Variants in ANKS1B observed in about 807,000 individuals in gnomAD.
ANKS1B encodes ankyrin repeat and sterile alpha motif domain-containing protein 1B.
ANKS1B carries 36 observed loss-of-function variants against 148.3 expected under a neutral mutation model. That is an observed-to-expected ratio of 0.24 (90% confidence interval 0.19 to 0.32). The LOEUF (loss-of-function observed/expected upper bound fraction) is 0.32. Ranked by LOEUF, ANKS1B falls within the 10% of genes least tolerant of loss-of-function variation. ANKS1B has a pLI of 1.00. For synonymous variants in ANKS1B, 542 were observed against 560.8 expected (o/e 0.97, Z 0.47); for missense variants, 1,157 against 1,542.6 (o/e 0.75, Z 4.19).
intron 17 of ANKS1B, among the ~76,000 whole-genome samples, chr12:98,957,674 G>A (rs562370508): frequency 6.6e-6 from 1 of 152,188 alleles, no homozygotes; most frequent in African/African-American, 2.4e-5. Context: ...TAAAGCGTTA[G>A]GGGTGGTGAG....
chr12:99,151,123 A>C (rs761558357), intron 15 of ANKS1B, among the ~76,000 whole-genome samples: 1 of 152,204 alleles, frequency 6.6e-6, no homozygotes, highest in Non-Finnish European at 1.5e-5. Context: ...AAATACACAA[A>C]GGAAAAGTTG....
chr12:99,927,999 T>C (rs905394320), intron 1 of ANKS1B, among the ~76,000 whole-genome samples: 24 of 152,104 alleles, frequency 1.6e-4, no homozygotes, highest in African/African-American at 4.8e-4. Context: ...AAGTTTTAAA[T>C]TGAGTGTTTT....
At chr12:99,919,867 T>G (rs2094299577) in intron 1 of ANKS1B, among the ~76,000 whole-genome samples, 1 of 152,184 alleles carries the variant, frequency 6.6e-6, no homozygotes, top group African/African-American at 2.4e-5. Flanking sequence ...TGATTACATA[T>G]TGAAATAATA....
intron 12 of ANKS1B, among the ~76,000 whole-genome samples, chr12:99,347,698 C>T (rs2090901939): frequency 6.6e-6 from 1 of 151,762 alleles, no homozygotes; most frequent in South Asian, 2.1e-4. Context: ...CAAGTACAAC[C>T]CAAGACAAGT....
intron 1 of ANKS1B, among the ~76,000 whole-genome samples, chr12:99,936,794 T>C (rs2094785027): frequency 1.3e-5 from 2 of 152,184 alleles, no homozygotes; most frequent in Admixed American, 1.3e-4. Flanking sequence ...CTTGCATAAA[T>C]TCACACTAGA....
chr12:99,430,148 T>C (rs1005927411), intron 11 of ANKS1B, among the ~76,000 whole-genome samples: 1 of 151,978 alleles, frequency 6.6e-6, no homozygotes, highest in African/African-American at 2.4e-5. Flanking sequence ...ATAATAATCA[T>C]TTTAAAATCC....
At chr12:99,846,914 T>G (rs907052054) in intron 1 of ANKS1B, among the ~76,000 whole-genome samples, 1 of 151,956 alleles carries the variant, frequency 6.6e-6, no homozygotes, top group Non-Finnish European at 1.5e-5. Context: ...TCCCCTCCCA[T>G]AGGTGTAGAA....
chr12:99,041,777 G>A lies in ANKS1B; in HGVS notation c.2778+11380C>T, dbSNP rs551180429. ...GCACTTTGGGATGCCTACATAGGAG[G>A]ATCACTTGAGCCCAGGAGTTCACAA... is the stretch of plus-strand genomic sequence containing the variant. On this transcript the variant is annotated intron_variant, in intron 17 of 26. Transcript: ENST00000683438. 1.2e-4 allele frequency among the ~76,000 whole-genome samples: 19 copies of A among 152,230 alleles called. No homozygotes were observed. In the East Asian group the frequency reaches 3.7e-3, roughly 29 times the overall value.
At chr12:99,632,226 T>C (rs1046872063) in intron 9 of ANKS1B, among the ~76,000 whole-genome samples, 4 of 152,172 alleles carry the variant, frequency 2.6e-5, no homozygotes, top group African/African-American at 9.7e-5. Flanking sequence ...ATCCATATAA[T>C]GTTAATTCTG....
intron 17 of ANKS1B, among the ~76,000 whole-genome samples, chr12:98,852,821 G>T (rs2099538180): frequency 6.6e-6 from 1 of 152,048 alleles, no homozygotes; most frequent in African/African-American, 2.4e-5. Context: ...TCCATATTTA[G>T]AAGGCTCGGG....
chr12:99,064,029 A>T (rs575958763), intron 16 of ANKS1B, among the ~76,000 whole-genome samples: 1 of 152,336 alleles, frequency 6.6e-6, no homozygotes, highest in African/African-American at 2.4e-5. Context: ...ACAGCTACAG[A>T]AAGTGGTAAC....
At chr12:99,812,511 C>CCACACACACA (rs10539640) in intron 2 of ANKS1B, among the ~76,000 whole-genome samples, 200 bp from the exon 3 acceptor site, 48 of 126,090 alleles carry the variant, frequency 3.8e-4, no homozygotes, top group South Asian at 8.4e-4. Flanking sequence ...TCACCCCATG[C>CCACACACACA]CACACACACA....
chr12:99,764,220 C>T (rs2062432067), intron 8 of ANKS1B, among the ~76,000 whole-genome samples: 1 of 152,078 alleles, frequency 6.6e-6, no homozygotes, highest in African/African-American at 2.4e-5. Flanking sequence ...TAATATTTTC[C>T]CTGTCTTCAA....
intron 9 of ANKS1B, among the ~76,000 whole-genome samples, chr12:99,615,291 C>A (rs1438259463): frequency 6.6e-6 from 1 of 152,058 alleles, no homozygotes; most frequent in African/African-American, 2.4e-5. Context: ...ACTTGTTGTC[C>A]TTTCTTATAT....
chr12:99,098,475 A>G (rs1017486918), intron 15 of ANKS1B, among the ~76,000 whole-genome samples: 13 of 152,150 alleles, frequency 8.5e-5, no homozygotes, highest in Admixed American at 7.9e-4. Context: ...GTGACTCAGG[A>G]TCAGCAATCC....
intron 17 of ANKS1B, among the ~76,000 whole-genome samples, chr12:99,037,813 A>C (rs572494728): frequency 6.6e-6 from 1 of 152,268 alleles, no homozygotes; most frequent in South Asian, 2.1e-4. Flanking sequence ...GCTGTGGGCA[A>C]GTTGTCAATC....
intron 8 of ANKS1B, among the ~76,000 whole-genome samples, chr12:99,689,700 A>T (rs1410646792): frequency 1.3e-5 from 2 of 152,180 alleles, no homozygotes; most frequent in Non-Finnish European, 2.9e-5. Flanking sequence ...ATGCACTGAG[A>T]CAGCCATGTG....
chr12:99,789,768 C>T lies in ANKS1B; in HGVS notation c.670-7671G>A, dbSNP rs939312031. Reference sequence around the variant, plus strand: ...CGAAGACACACTGAGAGTCTACAGCCATACCGCCCCAAACGCACCCAATCT... The same window carrying T: ...CGAAGACACACTGAGAGTCTACAGCTATACCGCCCCAAACGCACCCAATCT... On this transcript the variant is annotated intron_variant, in intron 4 of 26. Coordinates refer to ENST00000683438, the MANE Select transcript of ANKS1B (RefSeq NM_001352186.2). 5.2e-4 allele frequency among the ~76,000 whole-genome samples: 79 copies of T among 152,154 alleles called. 1 individual carries two copies. The highest frequency in any genetic ancestry group is 1.5e-4 in the Non-Finnish European group (10 of 67,998).
chr12:99,894,352 A>G (rs1304924188), intron 1 of ANKS1B, among the ~76,000 whole-genome samples: 2 of 149,882 alleles, frequency 1.3e-5, no homozygotes. Flanking sequence ...AGAAAAGAAA[A>G]AAGAAAATTA....
Sources: allele counts gnomAD v4.1 joint callset (sites outside exome capture counted in the v4.1 genomes callset), GRCh38; gene constraint gnomAD v4.1.1; transcripts MANE v1.5; gene names NCBI Gene and HGNC (gene_info 2026-07-23, HGNC 2026-07-21).